Variants in SH3BGRL3 observed in about 807,000 individuals in gnomAD.
SH3BGRL3 encodes the protein SH3 domain-binding glutamic acid-rich-like protein 3.
A neutral mutation model predicts 11.9 loss-of-function variants in SH3BGRL3; 8 were observed. The ratio of observed to expected loss-of-function variants is 0.67; its 90% CI spans 0.40 to 1.22. SH3BGRL3 has a LOEUF of 1.22. Ranked by LOEUF, SH3BGRL3 falls within the 50% of genes most tolerant of loss-of-function variation. The probability of loss-of-function intolerance (pLI) is 0.01; values close to 1 mark genes in which losing one functional copy is unlikely to be tolerated. For missense variants in SH3BGRL3, 119 were observed against 120.1 expected, an observed-to-expected ratio of 0.99 and a Z score of 0.04; for synonymous variants, 55 against 52.3, an observed-to-expected ratio of 1.05 and a Z score of -0.22.
rs768671223 is a variant in SH3BGRL3 at position 26,280,792 on chromosome 1, C to T, written c.76C>T (p.Arg26Ter). ...EIKSQQSEVT[R>*]ILDGKRIQYQ... ...CAAGTCCCAGCAGAGCGAGGTGACCCGAATCCTGGATGGGAAGCGCATCCA... is the reference window on the plus strand; with the variant it reads ...CAAGTCCCAGCAGAGCGAGGTGACCTGAATCCTGGATGGGAAGCGCATCCA... Residue 26 changes from arginine to a stop codon, truncating the protein, a stop_gained, in exon 2 of 3, where the codon CGA becomes TGA. Coordinates refer to ENST00000270792, the MANE Select transcript of SH3BGRL3 (RefSeq NM_031286.4). LOFTEE classifies it high-confidence loss of function. The T allele has an allele frequency of 8.7e-6, 14 of 1,613,946 alleles. No homozygotes were observed. The highest frequency in any genetic ancestry group is 1.0e-5 in the Non-Finnish European group (12 of 1,180,010).
intron 2 of SH3BGRL3, 43 bp from the exon 3 acceptor site, chr1:26,281,015 C>A: frequency 1.2e-6 from 2 of 1,610,334 alleles, no homozygotes; most frequent in South Asian, 1.1e-5. Context: ...AGCACTTGGG[C>A]CCCCTGCATT....
intron 1 of SH3BGRL3, 90 bp downstream of exon 1, chr1:26,280,293 CG>C: frequency 7.2e-7 from 1 of 1,384,098 alleles, no homozygotes; most frequent in South Asian, 1.5e-5. Flanking sequence ...ACCCCCAGGA[CG>C]GGGGCGGGGT....
rs746279154 is a variant in SH3BGRL3 at position 26,280,146 on chromosome 1, T to C, written c.-10T>C. On this transcript the variant is annotated 5_prime_UTR_variant, in exon 1 of 3. Coordinates refer to ENST00000270792, the MANE Select transcript of SH3BGRL3 (RefSeq NM_031286.4). ...CCCTCTGCCCGCCGGCCCGTCTGTC[T>C]ACCCCCAGCATGAGCGGCCTGCGCG... 1 of 1,565,652 alleles carries C rather than the reference T, an allele frequency of 6.4e-7. No individual in the cohort carries two copies. The highest frequency in any genetic ancestry group is 1.2e-5 in the South Asian group (1 of 85,640).
At chr1:26,280,246 T>C in intron 1 of SH3BGRL3, 43 bp downstream of exon 1, 3 of 1,457,696 alleles carry the variant, frequency 2.1e-6, no homozygotes, top group South Asian at 1.4e-5. Context: ...AGCGCAGGGC[T>C]GTATCCCGGT....
At chr1:26,280,322 G>A (rs1282538185) in intron 1 of SH3BGRL3, 119 bp downstream of exon 1, 3 of 1,193,718 alleles carry the variant, frequency 2.5e-6, no homozygotes, top group East Asian at 6.0e-5. Flanking sequence ...GTGCGTCGGC[G>A]AGGTGCTGGG....
chr1:26,280,620 ACTC>A (rs1403261922), intron 1 of SH3BGRL3, 142 bp from the exon 2 acceptor site: 1 of 920,634 alleles, frequency 1.1e-6, no homozygotes, highest in African/African-American at 1.7e-5. Context: ...CATCCTCCCA[ACTC>A]CTAGAGGCCA....
intron 1 of SH3BGRL3, 111 bp downstream of exon 1, chr1:26,280,314 G>GTTGGAAGAGGACT: frequency 7.7e-7 from 1 of 1,290,814 alleles, no homozygotes; most frequent in African/African-American, 1.5e-5. Flanking sequence ...TGGGGGGAGT[G>GTTGGAAGAGGACT]CGTCGGCGAG....
chr1:26,280,166 T>C lies in SH3BGRL3; in HGVS notation c.11T>C (p.Leu4Pro). 6.4e-7 allele frequency: 1 copy of C among 1,564,992 alleles called. No homozygotes were observed. The highest frequency in any genetic ancestry group is 8.6e-7 in the Non-Finnish European group (1 of 1,157,674). Reference sequence around the variant, plus strand: ...CTGTCTACCCCCAGCATGAGCGGCCTGCGCGTCTACAGCACGTCGGTCACC... The same window carrying C: ...CTGTCTACCCCCAGCATGAGCGGCCCGCGCGTCTACAGCACGTCGGTCACC... MSG[L>P]RVYSTSVTGS... is the part of the protein sequence containing the mutation. Residue 4 changes from leucine to proline, a missense_variant, in exon 1 of 3, where the codon CTG (leucine) becomes CCG (proline). Coordinates refer to ENST00000270792, the MANE Select transcript of SH3BGRL3 (RefSeq NM_031286.4).
At chr1:26,280,643 C>A in intron 1 of SH3BGRL3, 122 bp from the exon 2 acceptor site, 2 of 1,165,548 alleles carry the variant, frequency 1.7e-6, no homozygotes, top group Non-Finnish European at 2.5e-6. Context: ...AGAACCCTCC[C>A]CTAGTGTGGA....
chr1:26,281,007 C>T (rs774151671), intron 2 of SH3BGRL3, 51 bp from the exon 3 acceptor site: 1 of 1,610,872 alleles, frequency 6.2e-7, no homozygotes, highest in East Asian at 2.2e-5. Flanking sequence ...TGCCACAAAG[C>T]ACTTGGGCCC....
intron 1 of SH3BGRL3, among the ~76,000 whole-genome samples, chr1:26,280,430 C>T (rs890976190): frequency 6.6e-6 from 1 of 152,012 alleles, no homozygotes; most frequent in Non-Finnish European, 1.5e-5. Context: ...CCGTGCCCAT[C>T]CCCCATCAAC....
In SH3BGRL3 at chr1:26,280,121, CCCTCTGCCCGCCGG is replaced by C. The variant is rs1171944075; in HGVS notation, c.-32_-19del. Reference sequence around the variant, plus strand: ...GGCAGTGCAGCTGCCGCTACCGCCGCCCTCTGCCCGCCGGCCCGTCTGTCTACCCCCAGCATGAG... The same window carrying C: ...GGCAGTGCAGCTGCCGCTACCGCCGCCCCGTCTGTCTACCCCCAGCATGAG... On this transcript the variant is annotated 5_prime_UTR_variant, in exon 1 of 3. Transcript: ENST00000270792. 7 of 1,552,078 alleles carry C rather than the reference CCCTCTGCCCGCCGG, an allele frequency of 4.5e-6. No homozygotes were observed. The highest frequency in any genetic ancestry group is 6.1e-6 in the Non-Finnish European group (7 of 1,148,930).
At chr1:26,280,249 A>G in intron 1 of SH3BGRL3, 46 bp downstream of exon 1, 1 of 1,454,440 alleles carries the variant, frequency 6.9e-7, no homozygotes, top group Non-Finnish European at 9.1e-7. Context: ...GCAGGGCTGT[A>G]TCCCGGTGCT....
Position 26,280,802 on chromosome 1 carries a change from A to G in SH3BGRL3, c.86A>G (p.Asp29Gly). Residue 29 changes from aspartate (D) to glycine (G), a missense_variant, in exon 2 of 3, where the codon GAT (aspartate) becomes GGT (glycine). By Grantham distance (94) the Asp-to-Gly change is moderately conservative. Transcript: ENST00000270792. ...CAGAGCGAGGTGACCCGAATCCTGG[A>G]TGGGAAGCGCATCCAATACCAGCTA... The part of the protein sequence containing the change: ...SQQSEVTRIL[D>G]GKRIQYQLVD... The G allele has an allele frequency of 6.2e-7, 1 of 1,614,036 alleles. No individual in the cohort carries two copies. The highest frequency in any genetic ancestry group is 1.1e-5 in the South Asian group (1 of 91,084).
chr1:26,281,331 C>T lies in SH3BGRL3; in HGVS notation c.*208C>T, dbSNP rs1346785271. 1.9e-6 allele frequency: 1 copy of T among 529,104 alleles called. No homozygotes were observed. Among genetic ancestry groups the T allele is most frequent in the Non-Finnish European group, 3.4e-6 (1 of 296,628 alleles). 32.8% of individuals were successfully genotyped at this position (529,104 alleles called of 1,614,324 possible). A position where few individuals can be genotyped will look rare whatever the true frequency, so the allele number is the denominator to read the frequency against. On this transcript the variant is annotated 3_prime_UTR_variant, in exon 3 of 3. Coordinates refer to ENST00000270792, the MANE Select transcript of SH3BGRL3 (RefSeq NM_031286.4). ...AAGGCAACATTCCTTACCCATTAGT[C>T]TCAGAAATTGTCTTAAGCAACAGCC...
chr1:26,280,304 T>G, intron 1 of SH3BGRL3, 101 bp downstream of exon 1: 2 of 1,337,936 alleles, frequency 1.5e-6, no homozygotes, highest in Non-Finnish European at 2.0e-6. Context: ...GGGGGCGGGG[T>G]GGGGGGAGTG....
chr1:26,281,343 C>T lies in SH3BGRL3; in HGVS notation c.*220C>T, dbSNP rs2072980402. On this transcript the variant is annotated 3_prime_UTR_variant, in exon 3 of 3. Coordinates refer to ENST00000270792, the MANE Select transcript of SH3BGRL3 (RefSeq NM_031286.4). ...CTTACCCATTAGTCTCAGAAATTGT[C>T]TTAAGCAACAGCCCCAAATGCTGGC... 2.2e-5 allele frequency: 11 copies of T among 508,596 alleles called. No individual in the cohort carries two copies. In the South Asian group the frequency reaches 2.8e-4, roughly 13 times the overall value. The allele number at this position is 508,596 out of a possible 1,614,324, so 31.5% of individuals were successfully genotyped here.
In SH3BGRL3 at chr1:26,281,073, G is replaced by T. The variant is rs571572945; in HGVS notation, c.232G>T (p.Val78Leu). 4 of 1,613,872 alleles carry T rather than the reference G, an allele frequency of 2.5e-6. No individual in the cohort carries two copies. The highest frequency in any genetic ancestry group is 3.4e-6 in the Non-Finnish European group (4 of 1,179,992). ...DQYCGDYELF[V>L]EAVEQNTLQE... ...CCTTCTCCAGGACTATGAGCTCTTC[G>T]TGGAGGCTGTGGAACAAAACACGCT... The change falls in exon 3 of 3, where the codon GTG (valine) becomes TTG (leucine). Residue 78 changes from valine to leucine, a missense_variant. Transcript: ENST00000270792.
In SH3BGRL3 at chr1:26,281,267, C is replaced by G; in HGVS notation, c.*144C>G. ...CCTCCCCCAATGCAGGCCACTTCTC[C>G]TCCCTCCTCTCTAAATGTAGTCCCC... On this transcript the variant is annotated 3_prime_UTR_variant, in exon 3 of 3. Coordinates refer to ENST00000270792, the MANE Select transcript of SH3BGRL3 (RefSeq NM_031286.4). 1.5e-6 allele frequency: 1 copy of G among 675,794 alleles called. No individual in the cohort carries two copies. The highest frequency in any genetic ancestry group is 2.5e-6 in the Non-Finnish European group (1 of 396,680). 41.9% of individuals were successfully genotyped at this position (675,794 alleles called of 1,614,324 possible).
Sources: allele counts gnomAD v4.1 joint callset (sites outside exome capture counted in the v4.1 genomes callset), GRCh38; gene constraint gnomAD v4.1.1; transcripts MANE v1.5; gene names NCBI Gene and HGNC (gene_info 2026-07-23, HGNC 2026-07-21).